Variants in CAMTA1 observed in about 807,000 individuals in gnomAD.
CAMTA1 encodes the protein calmodulin-binding transcription activator 1.
Under a neutral mutation model 170.9 loss-of-function variants are expected in CAMTA1, and 27 were observed. That is an observed-to-expected ratio of 0.16 (90% CI 0.12 to 0.22). The LOEUF is 0.22. CAMTA1 is among the 10% of genes least tolerant of loss of function. CAMTA1 has a pLI of 1.00. For missense variants in CAMTA1, 1,619 were observed against 2,217.2 expected (o/e 0.73, Z 5.42); for synonymous variants, 833 against 891.5 (o/e 0.93, Z 1.17).
chr1:6,823,937 A>G (rs920332678), intron 2 of CAMTA1, among the ~76,000 whole-genome samples: 1 of 152,180 alleles, frequency 6.6e-6, no homozygotes, highest in African/African-American at 2.4e-5. Flanking sequence ...GAAGAATTAG[A>G]GATAATCTAA....
chr1:7,024,476 T>C (rs994274014), intron 3 of CAMTA1, among the ~76,000 whole-genome samples: 2 of 152,230 alleles, frequency 1.3e-5, no homozygotes, highest in Non-Finnish European at 2.9e-5. Flanking sequence ...TAGTATGTCT[T>C]CCTAAAGGAA....
At chr1:7,206,134 T>C (rs1558246291) in intron 4 of CAMTA1, among the ~76,000 whole-genome samples, 1 of 152,170 alleles carries the variant, frequency 6.6e-6, no homozygotes, top group Non-Finnish European at 1.5e-5. Context: ...TGGTAGGGCT[T>C]ATGTTCCCAT....
intron 5 of CAMTA1, among the ~76,000 whole-genome samples, chr1:7,433,766 G>A (rs1021103562): frequency 3.3e-5 from 5 of 152,186 alleles, no homozygotes; most frequent in Admixed American, 3.3e-4. Context: ...GGAGGGAAGT[G>A]GGTGTGGCTG....
chr1:6,827,217 A>T (rs538190322), intron 3 of CAMTA1, among the ~76,000 whole-genome samples: 2 of 152,308 alleles, frequency 1.3e-5, no homozygotes, highest in East Asian at 3.9e-4. Flanking sequence ...GCTATCACTC[A>T]TGCTGAAATC....
At chr1:7,569,977 G>T (rs2095106125) in intron 6 of CAMTA1, among the ~76,000 whole-genome samples, 1 of 152,158 alleles carries the variant, frequency 6.6e-6, no homozygotes, top group African/African-American at 2.4e-5. Flanking sequence ...CTAATCCTTT[G>T]GACTCTTAGT....
intron 4 of CAMTA1, among the ~76,000 whole-genome samples, chr1:7,168,569 A>C (rs1648970363): frequency 6.6e-6 from 1 of 151,938 alleles, no homozygotes. Context: ...CACCCAGCTA[A>C]CTTTTTGTAT....
intron 11 of CAMTA1, among the ~76,000 whole-genome samples, chr1:7,697,571 G>C (rs796551022): frequency 4.6e-5 from 7 of 152,318 alleles, no homozygotes; most frequent in African/African-American, 1.7e-4. Flanking sequence ...GAGAATAGCT[G>C]TGTATTTTAA....
At chr1:7,606,569 A>G (rs1263208847) in intron 6 of CAMTA1, among the ~76,000 whole-genome samples, 1 of 152,202 alleles carries the variant, frequency 6.6e-6, no homozygotes, top group South Asian at 2.1e-4. Flanking sequence ...GGCCAAAAGA[A>G]CTTCCCAACT....
rs1368729065 is a variant in CAMTA1 at position 7,681,168 on chromosome 1, A to G, written c.2914+3435A>G. ...CTCCCTTCCCCTGCGCCCCACTGTG[A>G]GCTCCAGGGTCAAAGGCCCTGTCTG... On this transcript the variant is annotated intron_variant, in intron 11 of 22. Coordinates refer to ENST00000303635, the MANE Select transcript of CAMTA1 (RefSeq NM_015215.4). The surrounding 1 kb of genome is among the most constrained non-coding windows in gnomAD (Gnocchi z 4.6). 2.6e-5 allele frequency among the ~76,000 whole-genome samples: 4 copies of G among 151,970 alleles called. No individual in the cohort carries two copies.
intron 3 of CAMTA1, among the ~76,000 whole-genome samples, chr1:6,935,158 C>T (rs12043429): frequency 0.13 from 19,816 of 152,140 alleles, 1,536 homozygotes; most frequent in Non-Finnish European, 0.18. Flanking sequence ...CTGGTTATCC[C>T]GTAGGTGTGG....
At chr1:7,180,511 C>CTTTTTTTTT in intron 4 of CAMTA1, among the ~76,000 whole-genome samples, 1 of 71,164 alleles carries the variant, frequency 1.4e-5, no homozygotes, top group Non-Finnish European at 2.4e-5. Flanking sequence ...TGTCACTAGA[C>CTTTTTTTTT]TTTTTTTTTT....
chr1:6,883,101 C>G (rs2149082326), intron 3 of CAMTA1, among the ~76,000 whole-genome samples: 1 of 152,044 alleles, frequency 6.6e-6, no homozygotes, highest in South Asian at 2.1e-4. Flanking sequence ...GCTGGGTTGG[C>G]CAGGCTGGTC....
intron 4 of CAMTA1, among the ~76,000 whole-genome samples, chr1:7,213,046 A>T (rs970627163): frequency 2.0e-5 from 3 of 152,226 alleles, no homozygotes; most frequent in African/African-American, 7.2e-5. Flanking sequence ...AGTTCTTGGC[A>T]ATTACATATA....
chr1:7,727,485 C>T (rs867264772), intron 11 of CAMTA1, among the ~76,000 whole-genome samples: 1 of 152,154 alleles, frequency 6.6e-6, no homozygotes, highest in Non-Finnish European at 1.5e-5. Context: ...TGTTGGTCGA[C>T]AAAAGAGGGC....
chr1:6,909,055 A>G (rs999191504), intron 3 of CAMTA1, among the ~76,000 whole-genome samples: 1 of 152,148 alleles, frequency 6.6e-6, no homozygotes, highest in South Asian at 2.1e-4. Context: ...CCTTTTAAAA[A>G]TTTTTTTCCA....
chr1:7,070,159 T>C (rs948067368), intron 3 of CAMTA1, among the ~76,000 whole-genome samples: 1 of 152,140 alleles, frequency 6.6e-6, no homozygotes, highest in Non-Finnish European at 1.5e-5. Flanking sequence ...TGCACTGGCC[T>C]CTCCTTTCCT....
At chr1:7,670,645 G>C (rs904373183) in intron 9 of CAMTA1, among the ~76,000 whole-genome samples, 7 of 152,090 alleles carry the variant, frequency 4.6e-5, no homozygotes, top group Non-Finnish European at 7.3e-5. Flanking sequence ...ACAAAAGGGA[G>C]AAGGTCAGGG....
At chr1:7,323,507 CTTTTTTTTTTTTTT>C (rs56382342) in intron 5 of CAMTA1, among the ~76,000 whole-genome samples, 1 of 108,998 alleles carries the variant, frequency 9.2e-6, no homozygotes. Flanking sequence ...CTTTATTCTT[CTTTTTTTTTTTTTT>C]TTTTTTTTTT....
chr1:7,284,174 CTTCTTA>C (rs1461312958), intron 5 of CAMTA1, among the ~76,000 whole-genome samples: 3,555 of 107,176 alleles, frequency 0.033, 26 homozygotes, highest in Middle Eastern at 0.054. Context: ...TCTTCTTCTT[CTTCTTA>C]TTATTATTAT....
Sources: gnomAD v4.1 joint callset for allele counts (sites outside exome capture counted in the v4.1 genomes callset) on GRCh38, gnomAD v4.1.1 for gene constraint, Gnocchi (gnomAD v3.1) non-coding constraint, MANE v1.5 for transcripts, NCBI Gene and HGNC (gene_info 2026-07-23, HGNC 2026-07-21) for gene names.